CIT: variants seen among roughly 807,000 people sequenced by gnomAD.
The protein encoded by CIT is citron Rho-interacting kinase.
In CIT, 79 loss-of-function variants were observed where a neutral mutation model predicts 272.7. That is an observed-to-expected ratio of 0.29 (90% confidence interval 0.24 to 0.35). The LOEUF (loss-of-function observed/expected upper bound fraction) is 0.35, where lower values mean the gene tolerates loss of function less well. Ranked by LOEUF, CIT falls within the 10% of genes least tolerant of loss-of-function variation. CIT has a pLI of 1.00. For synonymous variants in CIT, 948 were observed against 995.6 expected (o/e 0.95, Z 0.90); for missense variants, 1,909 against 2,618.3 (o/e 0.73, Z 5.91).
At chr12:119,787,730 CAAAAAA>C (rs61554565) in intron 10 of CIT, among the ~76,000 whole-genome samples, 3 of 49,078 alleles carry the variant, frequency 6.1e-5, no homozygotes, top group East Asian at 6.9e-4. Context: ...GACTCCGTCT[CAAAAAA>C]AAAAAAAAAA....
intron 17 of CIT, among the ~76,000 whole-genome samples, chr12:119,771,404 G>A (rs554633161): frequency 6.6e-6 from 1 of 152,174 alleles, no homozygotes; most frequent in African/African-American, 2.4e-5. Context: ...GGAGAGGAGG[G>A]GGAAGATGTT....
chr12:119,752,045 C>G lies in CIT; in HGVS notation c.2904+5G>C. 6.2e-7 allele frequency: 1 copy of G among 1,610,534 alleles called. No individual in the cohort carries two copies. The highest frequency in any genetic ancestry group is 8.5e-7 in the Non-Finnish European group (1 of 1,179,132). On this transcript the variant is annotated splice_donor_5th_base_variant and intron_variant, in intron 23 of 47. Transcript: ENST00000392521. ...CAACCTGAAGATGTTGCTCCCCAGA[C>G]CTACCGTGAGTGCCTGGATCTCCTC...
At chr12:119,735,092 C>T in intron 25 of CIT, 68 bp downstream of exon 25, 2 of 1,484,580 alleles carry the variant, frequency 1.3e-6, no homozygotes, top group Admixed American at 1.7e-5. Flanking sequence ...TGGGAGAACG[C>T]ACCAAGCACT....
rs1030262522 is a variant in CIT at position 119,784,037 on chromosome 12, C to G, written c.1416G>C (p.Met472Ile). ...CTGACACTCTCCGATGTAACCGGGTCATTTCCTGCTCCATCTGAAATAAAC... is the reference window on the plus strand; with the variant it reads ...CTGACACTCTCCGATGTAACCGGGTGATTTCCTGCTCCATCTGAAATAAAC... Reference protein sequence around the residue: ...QDKCHKMEQEMTRLHRRVSEV... With the variant: ...QDKCHKMEQEITRLHRRVSEV... The change falls in exon 12 of 48, where the codon ATG becomes ATC. Residue 472 changes from methionine (M) to isoleucine (I), a missense_variant. Met to Ile is a conservative substitution (Grantham distance 10, BLOSUM62 1). This residue lies in a region of CIT where 26 missense variants were observed against 44.1 expected (regional missense o/e 0.59). Transcript: ENST00000392521. This position sits in a 1 kb window ranked among gnomAD's most constrained non-coding sequence, Gnocchi z 4.7. 1 of 1,611,904 alleles carries G rather than the reference C, an allele frequency of 6.2e-7. No homozygotes were observed. The highest frequency in any genetic ancestry group is 8.5e-7 in the Non-Finnish European group (1 of 1,178,982).
chr12:119,755,768 T>C (rs1437999060), intron 22 of CIT, among the ~76,000 whole-genome samples: 1 of 152,236 alleles, frequency 6.6e-6, no homozygotes, highest in Non-Finnish European at 1.5e-5. Context: ...AACCTCAACA[T>C]GTCTACAACC....
chr12:119,777,488 G>A (rs1257976660), intron 13 of CIT, among the ~76,000 whole-genome samples: 1 of 152,036 alleles, frequency 6.6e-6, no homozygotes, highest in African/African-American at 2.4e-5. Context: ...TGGCCAACAT[G>A]GTGAAATCCC....
intron 40 of CIT, among the ~76,000 whole-genome samples, chr12:119,707,330 C>A (rs950817740): frequency 1.3e-5 from 2 of 152,046 alleles, no homozygotes; most frequent in Admixed American, 6.6e-5. Context: ...ATTTCACGTG[C>A]CTAAAGGAGG....
chr12:119,828,547 C>A (rs1268069946), intron 7 of CIT, among the ~76,000 whole-genome samples: 1 of 151,760 alleles, frequency 6.6e-6, no homozygotes, highest in Non-Finnish European at 1.5e-5. Context: ...TCTGATAGGG[C>A]CCAAGTACTA....
intron 19 of CIT, among the ~76,000 whole-genome samples, chr12:119,763,618 T>C (rs1159151717): frequency 1.3e-5 from 2 of 152,290 alleles, no homozygotes; most frequent in East Asian, 1.9e-4. Flanking sequence ...TGTGTGAGCA[T>C]GTACGTGTTA....
intron 5 of CIT, among the ~76,000 whole-genome samples, chr12:119,837,216 C>G (rs916922448): frequency 6.6e-6 from 1 of 152,214 alleles, no homozygotes; most frequent in Non-Finnish European, 1.5e-5. Flanking sequence ...CAGACATTTA[C>G]TAAGTAAATG....
rs556579132 is a variant in CIT at position 119,708,321 on chromosome 12, G to A, written c.5072-3C>T. ...AAGACACAGTGCCCGCTCTTCTCCT[G>A]AACAGGAAAAGGAACAACCTCTCGT... On this transcript the variant is annotated splice_region_variant and splice_polypyrimidine_tract_variant and intron_variant, in intron 39 of 47. Transcript: ENST00000392521. 7.6e-6 allele frequency: 12 copies of A among 1,578,436 alleles called. No homozygotes were observed. The Admixed American group carries it at 1.3e-4, about 17-fold the overall frequency.
At chr12:119,819,633 A>G (rs1967514129) in intron 9 of CIT, among the ~76,000 whole-genome samples, 1 of 152,218 alleles carries the variant, frequency 6.6e-6, no homozygotes, top group Admixed American at 6.5e-5. Context: ...AACAAGGGAC[A>G]ATCTCTTATT....
chr12:119,773,723 C>A (rs563071630), intron 16 of CIT, among the ~76,000 whole-genome samples: 2 of 152,126 alleles, frequency 1.3e-5, no homozygotes, highest in Admixed American at 6.5e-5. Context: ...CCACCATGCC[C>A]GGCCTGTGTT....
chr12:119,730,622 G>A lies in CIT; in HGVS notation c.3359C>T (p.Ala1120Val), dbSNP rs370774579. The change falls in exon 27 of 48, where the codon GCC becomes GTC. Residue 1120 changes from alanine to valine, a missense_variant. Transcript: ENST00000392521. ...GCGAGACTCGGTGATCCGCTGATCG[G>A]CTCTCGCCCTGCCAGAAAGACACAG... The part of the protein sequence containing the change: ...LDTEKQSRAR[A>V]DQRITESRQV... 5.6e-6 allele frequency: 9 copies of A among 1,613,356 alleles called. No homozygotes were observed. In the African/African-American group the frequency reaches 1.2e-4, roughly 22 times the overall value.
In CIT at chr12:119,776,799, T is replaced by C; in HGVS notation, c.1709A>G (p.Gln570Arg). 1 of 1,614,122 alleles carries C rather than the reference T, an allele frequency of 6.2e-7. No individual in the cohort carries two copies. Among genetic ancestry groups the C allele is most frequent in the Non-Finnish European group, 8.5e-7 (1 of 1,180,038 alleles). ...TGCTGAGACAAGATCCTCTTCCAAC[T>C]GATTCATCATCAACCTCATTTCTTC... ...QVEEMRLMMN[Q>R]LEEDLVSARR... is the part of the protein sequence containing the mutation. The change falls in exon 14 of 48, where the codon CAG (glutamine) becomes CGG (arginine). Residue 570 changes from glutamine (Q) to arginine (R), a missense_variant. Gln to Arg is a conservative substitution (Grantham distance 43, BLOSUM62 1). Coordinates refer to ENST00000392521, the MANE Select transcript of CIT (RefSeq NM_001206999.2).
In CIT at chr12:119,694,662, G is replaced by C. The variant is rs1956131393; in HGVS notation, c.5882+2997C>G. 6.6e-6 allele frequency among the ~76,000 whole-genome samples: 1 copy of C among 152,008 alleles called. No individual in the cohort carries two copies. The highest frequency in any genetic ancestry group is 1.5e-5 in the Non-Finnish European group (1 of 68,010). On this transcript the variant is annotated intron_variant, in intron 46 of 47. Coordinates refer to ENST00000392521, the MANE Select transcript of CIT (RefSeq NM_001206999.2). The surrounding 1 kb of genome is among the most constrained non-coding windows in gnomAD (Gnocchi z 4.5). ...CTACAAAAAATACAAAAATTAGCCA[G>C]GTGTGGTGGCGGGCGCCTGTAGTCC...
At position 119,804,284 on chromosome 12, in the gene CIT, C is replaced by T; in HGVS notation, c.1112-895G>A. The T allele has an allele frequency of 1.0e-6, 1 of 985,516 alleles. No homozygotes were observed. Among genetic ancestry groups the T allele is most frequent in the Non-Finnish European group, 1.2e-6 (1 of 829,990 alleles). The allele number at this position is 985,516 out of a possible 1,614,324, so 61.0% of individuals were successfully genotyped here. ...CATCAGTCACCAGGAGGCTGCCCAT[C>T]GCGGTGGGCTCCCGGGGGTGTCCCC... On this transcript the variant is annotated intron_variant, in intron 9 of 47. Coordinates refer to ENST00000392521, the MANE Select transcript of CIT (RefSeq NM_001206999.2). The surrounding 1 kb of genome is among the most constrained non-coding windows in gnomAD (Gnocchi z 5.3).
At chr12:119,711,008 CCGTGTT>C in intron 37 of CIT, 1 of 1,365,762 alleles carries the variant, frequency 7.3e-7, no homozygotes, top group Admixed American at 1.9e-5. Flanking sequence ...TGCAAAGGCG[CCGTGTT>C]AGCAGCGAGC....
Position 119,776,342 on chromosome 12 carries a change from A to G in CIT, c.1887+16T>C, listed in dbSNP as rs1449880398. 1 of 1,607,970 alleles carries G rather than the reference A, an allele frequency of 6.2e-7. No homozygotes were observed. The highest frequency in any genetic ancestry group is 1.7e-5 in the Admixed American group (1 of 59,840). Reference sequence around the variant, plus strand: ...ACCCAAAATATTAATAGCAAAACCAATCATGGAAAGTATACCTTCTCCAGT... The same window carrying G: ...ACCCAAAATATTAATAGCAAAACCAGTCATGGAAAGTATACCTTCTCCAGT... On this transcript the variant is annotated intron_variant, in intron 15 of 47. Transcript: ENST00000392521.
Sources: allele counts gnomAD v4.1 joint callset (sites outside exome capture counted in the v4.1 genomes callset), GRCh38; gene constraint gnomAD v4.1.1; regional missense constraint gnomAD v4.1.1; non-coding constraint Gnocchi (gnomAD v3.1); transcripts MANE v1.5; gene names NCBI Gene and HGNC (gene_info 2026-07-23, HGNC 2026-07-21).